The following CFAP61 variants were observed in gnomAD, a reference collection of about 807,000 sequenced individuals.
CFAP61 encodes cilia- and flagella-associated protein 61.
In CFAP61, 107 loss-of-function variants were observed where a neutral mutation model predicts 135.6. The observed-to-expected ratio is 0.79, with a 90% CI of 0.67 to 0.93. CFAP61 has a LOEUF of 0.93. Among genes scored for constraint, CFAP61 ranks in the 40% least tolerant of loss-of-function variants. The pLI is 0.00. For missense variants in CFAP61, 1,507 were observed against 1,556.2 expected, an observed-to-expected ratio of 0.97 and a Z score of 0.53; for synonymous variants, 575 against 578.5, an observed-to-expected ratio of 0.99 and a Z score of 0.09.
At chr20:20,216,947 C>T (rs1057228541) in intron 17 of CFAP61, among the ~76,000 whole-genome samples, 5 of 152,184 alleles carry the variant, frequency 3.3e-5, no homozygotes, top group African/African-American at 1.2e-4. Flanking sequence ...TTGTGTTCAG[C>T]AGTGGCCACT....
intron 13 of CFAP61, among the ~76,000 whole-genome samples, chr20:20,186,500 G>A (rs987152768): frequency 6.6e-6 from 1 of 152,130 alleles, no homozygotes; most frequent in African/African-American, 2.4e-5. Context: ...CAGGTTTTGT[G>A]TGGACATATG....
At position 20,275,443 on chromosome 20, in the gene CFAP61, T is replaced by TA. The variant is rs1344465139; in HGVS notation, c.2504-1723_2504-1722insA. 3.9e-5 allele frequency among the ~76,000 whole-genome samples: 6 copies of TA among 152,362 alleles called. No individual in the cohort carries two copies. The East Asian group carries it at 1.2e-3, about 29-fold the overall frequency. ...TAGAAATAAACCTGTAATTTTGAAATCAGATATTTTACAAAATGTATTACC... is the reference window on the plus strand; with the variant it reads ...TAGAAATAAACCTGTAATTTTGAAATACAGATATTTTACAAAATGTATTACC... On this transcript the variant is annotated intron_variant, in intron 21 of 26. Transcript: ENST00000245957.
At chr20:20,073,154 G>A (rs1290719536) in intron 3 of CFAP61, among the ~76,000 whole-genome samples, 1 of 152,230 alleles carries the variant, frequency 6.6e-6, no homozygotes, top group Non-Finnish European at 1.5e-5. Flanking sequence ...CAAGTAATAA[G>A]CCATATGCTC....
chr20:20,139,648 A>G (rs1467380439), intron 8 of CFAP61, among the ~76,000 whole-genome samples: 1 of 152,202 alleles, frequency 6.6e-6, no homozygotes, highest in East Asian at 1.9e-4. Context: ...AGAGAGATCC[A>G]GCTTCACCTT....
intron 9 of CFAP61, among the ~76,000 whole-genome samples, chr20:20,155,643 A>C (rs577216816): frequency 1.1e-4 from 16 of 152,366 alleles, no homozygotes; most frequent in African/African-American, 3.8e-4. Context: ...GAAGATTTAC[A>C]AACAGCCAAC....
In CFAP61 at chr20:20,298,199, G is replaced by A. The variant is rs187307793; in HGVS notation, c.3235G>A (p.Gly1079Ser). Reference sequence around the variant, plus strand: ...CCTCCAGGGTTTAGAACTAGTAACCGGCAGTGCGAAAAATGGGACTTACTT... The same window carrying A: ...CCTCCAGGGTTTAGAACTAGTAACCAGCAGTGCGAAAAATGGGACTTACTT... Reference protein sequence around the residue: ...QPNYGLELVTGSAKNGTYFRI... With the variant: ...QPNYGLELVTSSAKNGTYFRI... The change falls in exon 25 of 27, where the codon GGC (glycine) becomes AGC (serine). Residue 1079 changes from glycine (G) to serine (S), a missense_variant. Transcript: ENST00000245957. 1.6e-4 allele frequency: 262 copies of A among 1,613,446 alleles called. 1 individual carries two copies. In the Admixed American group the frequency reaches 2.8e-3, roughly 17 times the overall value.
chr20:20,326,267 G>C (rs1433995933), intron 25 of CFAP61, among the ~76,000 whole-genome samples: 1 of 152,080 alleles, frequency 6.6e-6, no homozygotes, highest in Admixed American at 6.5e-5. Flanking sequence ...CTCCCAGTTT[G>C]TGGCTTGTCT....
At chr20:20,313,480 C>A (rs2056943741) in intron 25 of CFAP61, among the ~76,000 whole-genome samples, 1 of 152,164 alleles carries the variant, frequency 6.6e-6, no homozygotes, top group African/African-American at 2.4e-5. Flanking sequence ...TTGCTCTTTC[C>A]AATGGCAGAT....
chr20:20,250,825 C>T (rs1416129613), intron 19 of CFAP61, among the ~76,000 whole-genome samples: 2 of 152,148 alleles, frequency 1.3e-5, no homozygotes, highest in Admixed American at 6.5e-5. Flanking sequence ...ACAAGAAACC[C>T]ACTCTTATCA....
intron 8 of CFAP61, among the ~76,000 whole-genome samples, chr20:20,138,227 G>C (rs1438824561): frequency 6.6e-6 from 1 of 152,202 alleles, no homozygotes; most frequent in Non-Finnish European, 1.5e-5. Flanking sequence ...TGGGATTAGG[G>C]GAGGGGTAAC....
chr20:20,205,987 A>AT (rs1343376745), intron 17 of CFAP61, among the ~76,000 whole-genome samples: 5 of 145,822 alleles, frequency 3.4e-5, no homozygotes, highest in South Asian at 2.3e-4. Context: ...CTACAGGTTT[A>AT]TTTTTTGGGG....
In CFAP61 at chr20:20,196,570, G is replaced by A. The variant is rs763623209; in HGVS notation, c.1591G>A (p.Asp531Asn). ...ACCATCCCTTCTGTCTCTTCTGTAG[G>A]ACATTGAGTACATACGGTCCCATTA... ...VGIAVIRNEM[D>N]IEYIRSHYNI... is the part of the protein sequence containing the mutation. The change falls in exon 16 of 27, where the codon GAC becomes AAC. Residue 531 changes from aspartate to asparagine, a missense_variant and splice_region_variant. Physicochemically the swap from Asp to Asn is conservative, Grantham distance 23 (BLOSUM62 1). Coordinates refer to ENST00000245957, the MANE Select transcript of CFAP61 (RefSeq NM_015585.4). 1 of 1,609,658 alleles carries A rather than the reference G, an allele frequency of 6.2e-7. No homozygotes were observed. Among genetic ancestry groups the A allele is most frequent in the East Asian group, 2.2e-5 (1 of 44,860 alleles).
At chr20:20,248,281 T>C (rs2050622232) in intron 19 of CFAP61, among the ~76,000 whole-genome samples, 1 of 152,212 alleles carries the variant, frequency 6.6e-6, no homozygotes, top group African/African-American at 2.4e-5. Flanking sequence ...GATTGAACCA[T>C]AAATAGGAGA....
chr20:20,196,621 A>G lies in CFAP61; in HGVS notation c.1642A>G (p.Ser548Gly). The G allele has an allele frequency of 6.2e-7, 1 of 1,614,182 alleles. No homozygotes were observed. Among genetic ancestry groups the G allele is most frequent in the Non-Finnish European group, 8.5e-7 (1 of 1,180,032 alleles). Residue 548 changes from serine to glycine, a missense_variant, in exon 16 of 27, where the codon AGT becomes GGT. Coordinates refer to ENST00000245957, the MANE Select transcript of CFAP61 (RefSeq NM_015585.4). ...CAACATTGAAGATTTCATCTACTTCAGTCACCACCAGCGCGAAGAACACGG... is the reference window on the plus strand; with the variant it reads ...CAACATTGAAGATTTCATCTACTTCGGTCACCACCAGCGCGAAGAACACGG... Reference protein sequence around the residue: ...HYNIEDFIYFSHHQREEHGHM... With the variant: ...HYNIEDFIYFGHHQREEHGHM...
At chr20:20,261,761 C>T (rs1423427761) in intron 20 of CFAP61, among the ~76,000 whole-genome samples, 1 of 152,052 alleles carries the variant, frequency 6.6e-6, no homozygotes, top group Non-Finnish European at 1.5e-5. Context: ...TCTACACTGG[C>T]AGCAACTAGA....
rs370512116 is a variant in CFAP61 at position 20,251,591 on chromosome 20, G to A, written c.2160-4G>A. 44 of 1,613,496 alleles carry A rather than the reference G, an allele frequency of 2.7e-5. No individual in the cohort carries two copies. The highest frequency in any genetic ancestry group is 3.1e-5 in the Non-Finnish European group (36 of 1,179,802). On this transcript the variant is annotated splice_polypyrimidine_tract_variant and splice_region_variant and intron_variant, in intron 19 of 26. Transcript: ENST00000245957. ...TGTCACTTACGGAGCTTCTCTCTTTGCAGCCACTGTTTTAATGATAAAGAT... is the reference window on the plus strand; with the variant it reads ...TGTCACTTACGGAGCTTCTCTCTTTACAGCCACTGTTTTAATGATAAAGAT...
chr20:20,325,930 A>G (rs550376154), intron 25 of CFAP61, among the ~76,000 whole-genome samples: 21 of 152,286 alleles, frequency 1.4e-4, no homozygotes, highest in Admixed American at 1.2e-3. Context: ...TTAATTTGAA[A>G]TTCCCTAGTG....
At chr20:20,143,482 G>GT (rs1377715550) in intron 9 of CFAP61, among the ~76,000 whole-genome samples, 2 of 152,058 alleles carry the variant, frequency 1.3e-5, no homozygotes, top group Admixed American at 1.3e-4. Flanking sequence ...AATGGAATTA[G>GT]TTTTTTTTAA....
chr20:20,097,568 T>C (rs76027330), intron 7 of CFAP61, among the ~76,000 whole-genome samples: 1,536 of 152,362 alleles, frequency 0.01, 31 homozygotes, highest in African/African-American at 0.036. Context: ...AATGTTTTGG[T>C]ACCAATCAGG....
Sources: gnomAD v4.1 joint callset for allele counts (sites outside exome capture counted in the v4.1 genomes callset) on GRCh38, gnomAD v4.1.1 for gene constraint, MANE v1.5 for transcripts, NCBI Gene and HGNC (gene_info 2026-07-23, HGNC 2026-07-21) for gene names.